The following CACNA1C variants were observed in gnomAD, a reference collection of about 807,000 sequenced individuals.
CACNA1C encodes voltage-dependent L-type calcium channel subunit alpha-1C.
Under a neutral mutation model 229.0 loss-of-function variants are expected in CACNA1C, and 30 were observed. That is an observed-to-expected ratio of 0.13 (90% CI 0.10 to 0.18). The LOEUF is 0.18. CACNA1C is among the 10% of genes least tolerant of loss of function. The pLI, the probability that CACNA1C is intolerant of heterozygous loss-of-function variation, is 1.00. For missense variants in CACNA1C, 1,658 were observed against 2,845.0 expected (o/e 0.58, Z 9.49); for synonymous variants, 1,114 against 1,132.5 (o/e 0.98, Z 0.33).
At chr12:2,128,407 A>G (rs975890963) in intron 3 of CACNA1C, among the ~76,000 whole-genome samples, 16 of 151,896 alleles carry the variant, frequency 1.1e-4, no homozygotes, top group African/African-American at 3.1e-4. Context: ...AGGTAAATAC[A>G]TTATTTTTTT....
In CACNA1C at chr12:2,488,437, AC is replaced by A. The variant is rs1468997177; in HGVS notation, c.916+2177del. Among the ~76,000 whole-genome samples, 1 of 152,184 alleles carries A rather than the reference AC, an allele frequency of 6.6e-6. No individual in the cohort carries two copies. Among genetic ancestry groups the A allele is most frequent in the Non-Finnish European group, 1.5e-5 (1 of 68,016 alleles). ...AAGAGGTCGCCCCAACGCCCCAAGT[AC>A]CGAACCTGTCATGGCCTCCTCTTCT... On this transcript the variant is annotated intron_variant, in intron 6 of 46. Transcript: ENST00000399655. This position sits in a 1 kb window ranked among gnomAD's most constrained non-coding sequence, Gnocchi z 4.0.
chr12:2,512,944 G>T lies in CACNA1C; in HGVS notation c.1350G>T (p.Glu450Asp), dbSNP rs1321643530. 6.2e-7 allele frequency: 1 copy of T among 1,610,354 alleles called. No individual in the cohort carries two copies. The highest frequency in any genetic ancestry group is 1.1e-5 in the South Asian group (1 of 90,034). The change falls in exon 9 of 47, where the codon GAG (glutamate) becomes GAT (aspartate). Residue 450 changes from glutamate (E) to aspartate (D), a missense_variant. By Grantham distance (45) the Glu-to-Asp change is conservative. Transcript: ENST00000399655. The surrounding 1 kb of genome is among the most constrained non-coding windows in gnomAD (Gnocchi z 4.3). ...WITQAEDIDPENEDEGMDEEK... is the reference protein window; with the variant it reads ...WITQAEDIDPDNEDEGMDEEK... The stretch of plus-strand genomic sequence containing the variant: ...CTCAGGCCGAAGACATCGATCCTGA[G>T]AATGAGGACGAAGGCATGGATGAGG...
chr12:2,438,901 G>A (rs2099186319), intron 3 of CACNA1C, among the ~76,000 whole-genome samples: 1 of 152,114 alleles, frequency 6.6e-6, no homozygotes, highest in Non-Finnish European at 1.5e-5. Flanking sequence ...GCAGTTAGTA[G>A]AGAGTTTTAA....
At chr12:2,471,722 G>A (rs964601832) in intron 5 of CACNA1C, among the ~76,000 whole-genome samples, 54 of 151,482 alleles carry the variant, frequency 3.6e-4, no homozygotes, top group Admixed American at 2.8e-3. Flanking sequence ...TCGCTCTGTC[G>A]CCCAGACTGG....
chr12:2,177,890 G>T (rs1360339968), intron 3 of CACNA1C, among the ~76,000 whole-genome samples: 3 of 152,066 alleles, frequency 2.0e-5, no homozygotes, highest in African/African-American at 7.2e-5. Context: ...ATCCGCCTCT[G>T]CCTCCCAAAG....
rs1437951180 is a variant in CACNA1C at position 2,694,730 on chromosome 12, A to C, written c.*3531A>C. On this transcript the variant is annotated 3_prime_UTR_variant, in exon 47 of 47. Transcript: ENST00000399655. ...CAGCTGAAGACAGTGGGGCAACCTC[A>C]GGAGAAGCAGACCTTTCCATGCCCA... 1 of 152,270 alleles carries C rather than the reference A, an allele frequency of 6.6e-6. No homozygotes were observed. The highest frequency in any genetic ancestry group is 1.5e-5 in the Non-Finnish European group (1 of 68,062). 9.4% of individuals were successfully genotyped at this position (152,270 alleles called of 1,614,324 possible). A position where few individuals can be genotyped will look rare whatever the true frequency, so the allele number is the denominator to read the frequency against.
rs1172016514 is a variant in CACNA1C, at chr12:2,380,030, C to CAAAAAAA, written c.478-68938_478-68932dup. Among the ~76,000 whole-genome samples the CAAAAAAA allele has an allele frequency of 1.2e-4, 10 of 80,152 alleles. 1 individual carries two copies. The highest frequency in any genetic ancestry group is 1.8e-4 in the Non-Finnish European group (7 of 38,100). 52.6% of individuals were successfully genotyped at this position (80,152 alleles called of 152,430 possible). On this transcript the variant is annotated intron_variant, in intron 3 of 46. Coordinates refer to ENST00000399655, the MANE Select transcript of CACNA1C (RefSeq NM_000719.7). Reference sequence around the variant, plus strand: ...TGGGCGACAGAGCGAGACTCCGTCTCAAAAAAAAAAAAAAGACATAATATT... The same window carrying CAAAAAAA: ...TGGGCGACAGAGCGAGACTCCGTCTCAAAAAAAAAAAAAAAAAAAAAGACATAATATT...
intron 2 of CACNA1C, among the ~76,000 whole-genome samples, chr12:2,116,738 A>G (rs2084085993): frequency 6.6e-6 from 1 of 152,040 alleles, no homozygotes; most frequent in Non-Finnish European, 1.5e-5. Flanking sequence ...GCCCCACAGG[A>G]GAGGCTCCCC....
At chr12:2,308,201 T>A (rs1375333786) in intron 3 of CACNA1C, among the ~76,000 whole-genome samples, 1 of 152,260 alleles carries the variant, frequency 6.6e-6, no homozygotes, top group African/African-American at 2.4e-5. Context: ...GGCATCTTGA[T>A]TTTTAATGTG....
At chr12:2,102,058 C>T (rs916603795) in intron 1 of CACNA1C, among the ~76,000 whole-genome samples, 1 of 152,194 alleles carries the variant, frequency 6.6e-6, no homozygotes, top group South Asian at 2.1e-4. Context: ...TCTGAGAATA[C>T]AGTGGTGCAA....
chr12:2,011,151 C>CAAAAAAAA (rs59227490), intron 1 of CACNA1C: 4 of 100,674 alleles, frequency 4.0e-5, no homozygotes, highest in African/African-American at 1.5e-4. Context: ...AACTGAGTCT[C>CAAAAAAAA]AAAAAAAAAA....
intron 4 of CACNA1C, among the ~76,000 whole-genome samples, chr12:2,454,982 C>T (rs1596772378): frequency 6.6e-6 from 1 of 152,088 alleles, no homozygotes; most frequent in East Asian, 1.9e-4. Flanking sequence ...CGCATGCACC[C>T]ATCCCCTTCT....
Position 2,170,206 on chromosome 12 carries a change from C to T in CACNA1C, c.477+49776C>T, listed in dbSNP as rs993868609. 9.2e-5 allele frequency among the ~76,000 whole-genome samples: 14 copies of T among 152,290 alleles called. 1 individual carries two copies. Among genetic ancestry groups the T allele is most frequent in the Admixed American group, 6.5e-4 (10 of 15,298 alleles). ...TGGCCAGGTCTGAGTCATTAAAGGACGCTTTGCATTTTTGGATAGTGGAAC... is the reference window on the plus strand; with the variant it reads ...TGGCCAGGTCTGAGTCATTAAAGGATGCTTTGCATTTTTGGATAGTGGAAC... On this transcript the variant is annotated intron_variant, in intron 3 of 46. Transcript: ENST00000399655.
chr12:2,120,328 A>G lies in CACNA1C; in HGVS notation c.375A>G (p.Pro125=), dbSNP rs587780882. Residue 125 remains proline (P), a synonymous_variant, in exon 3 of 47, where the codon CCA becomes CCG. Coordinates refer to ENST00000399655, the MANE Select transcript of CACNA1C (RefSeq NM_000719.7). ...RACISIVEWK[P]FEIIILLTIF... is the part of the protein sequence containing the mutation. ...CTTCCTTGACTCCCTTTCTCAGACC[A>G]TTTGAAATAATTATTTTACTGACTA... 22 of 1,514,324 alleles carry G rather than the reference A, an allele frequency of 1.5e-5. No individual in the cohort carries two copies. The East Asian group carries it at 3.8e-4, about 26-fold the overall frequency. 93.8% of individuals were successfully genotyped at this position (1,514,324 alleles called of 1,614,324 possible).
At chr12:2,616,338 C>G (rs569150695) in intron 29 of CACNA1C, among the ~76,000 whole-genome samples, 5 of 152,236 alleles carry the variant, frequency 3.3e-5, no homozygotes, top group African/African-American at 1.2e-4. Flanking sequence ...TCTCTCATCC[C>G]CCTACCCTTT....
intron 3 of CACNA1C, among the ~76,000 whole-genome samples, chr12:2,355,444 A>G (rs908889080): frequency 4.6e-5 from 7 of 152,084 alleles, no homozygotes; most frequent in Admixed American, 1.3e-4. Flanking sequence ...TATTTTCAGA[A>G]GTTCACTGTA....
chr12:2,077,958 A>G (rs1450405548), intron 1 of CACNA1C, among the ~76,000 whole-genome samples: 2 of 152,210 alleles, frequency 1.3e-5, no homozygotes, highest in East Asian at 3.8e-4. Flanking sequence ...AATCTAAGAC[A>G]TTGATAGATT....
intron 1 of CACNA1C, among the ~76,000 whole-genome samples, chr12:1,974,042 T>A (rs1302988002): frequency 6.6e-6 from 1 of 152,210 alleles, no homozygotes; most frequent in African/African-American, 2.4e-5. Context: ...TATAAATCTG[T>A]TCCCTCCACT....
intron 3 of CACNA1C, among the ~76,000 whole-genome samples, chr12:2,422,394 CA>C (rs980377607): frequency 1.3e-5 from 2 of 152,048 alleles, no homozygotes; most frequent in Non-Finnish European, 2.9e-5. Flanking sequence ...CCTTTTTTAC[CA>C]ATAGAGTTTC....
Sources: gnomAD v4.1 joint callset for allele counts (sites outside exome capture counted in the v4.1 genomes callset) on GRCh38, gnomAD v4.1.1 for gene constraint, Gnocchi (gnomAD v3.1) non-coding constraint, MANE v1.5 for transcripts, NCBI Gene and HGNC (gene_info 2026-07-23, HGNC 2026-07-21) for gene names.